Variants in RGS6 observed in about 807,000 individuals in gnomAD.
The protein encoded by RGS6 is regulator of G-protein signaling 6.
RGS6 carries 30 observed loss-of-function variants against 78.5 expected under a neutral mutation model. The ratio of observed to expected loss-of-function variants is 0.38; its 90% CI spans 0.29 to 0.52. The LOEUF (loss-of-function observed/expected upper bound fraction) is 0.52. Ranked by LOEUF, RGS6 falls within the 20% of genes least tolerant of loss-of-function variation. RGS6 has a pLI of 0.85. For missense variants in RGS6, 495 were observed against 609.7 expected, an observed-to-expected ratio of 0.81 and a Z score of 1.98; for synonymous variants, 206 against 206.0, an observed-to-expected ratio of 1.00 and a Z score of 0.00.
intron 11 of RGS6, among the ~76,000 whole-genome samples, chr14:72,477,620 C>G (rs1027023045): frequency 6.6e-6 from 1 of 151,570 alleles, no homozygotes; most frequent in Non-Finnish European, 1.5e-5. Flanking sequence ...TATGATGAAA[C>G]CCCATCTCTA....
At chr14:72,328,154 T>G (rs933589083) in intron 2 of RGS6, among the ~76,000 whole-genome samples, 2 of 152,180 alleles carry the variant, frequency 1.3e-5, no homozygotes, top group Admixed American at 1.3e-4. Flanking sequence ...TTGTTCTATC[T>G]GAACCCTCAA....
intron 2 of RGS6, among the ~76,000 whole-genome samples, chr14:72,091,780 C>G (rs566213752): frequency 6.6e-6 from 1 of 152,278 alleles, no homozygotes; most frequent in East Asian, 1.9e-4. Flanking sequence ...GTACTCACTT[C>G]ATGGGAACCA....
At chr14:72,009,174 G>A (rs2085178662) in intron 2 of RGS6, among the ~76,000 whole-genome samples, 1 of 152,182 alleles carries the variant, frequency 6.6e-6, no homozygotes, top group Admixed American at 6.5e-5. Flanking sequence ...GGGCAACAGA[G>A]CAAGATGCCA....
chr14:72,370,494 G>A (rs1056545661), intron 3 of RGS6, among the ~76,000 whole-genome samples: 1 of 152,194 alleles, frequency 6.6e-6, no homozygotes, highest in African/African-American at 2.4e-5. Context: ...GGGAGATGAG[G>A]AACAAGGAGG....
At chr14:72,233,052 G>A (rs927516827) in intron 2 of RGS6, among the ~76,000 whole-genome samples, 2 of 152,190 alleles carry the variant, frequency 1.3e-5, no homozygotes, top group African/African-American at 4.8e-5. Context: ...AGAAGCTGTA[G>A]CCTGGAATGG....
Position 72,048,359 on chromosome 14 carries a change from C to A in RGS6, c.84+83484C>A, listed in dbSNP as rs187993389. Among the ~76,000 whole-genome samples the A allele has an allele frequency of 3.7e-3, 569 of 152,200 alleles. 13 individuals carry two copies. The highest frequency in any genetic ancestry group is 1.8e-3 in the Non-Finnish European group (119 of 67,992). ...TCCAGGTATCAAAAGTCTTTTAAGT[C>A]TTTTTTCTGCCAAAGGTGAATCTAT... On this transcript the variant is annotated intron_variant, in intron 2 of 17. Transcript: ENST00000553525.
intron 1 of RGS6, among the ~76,000 whole-genome samples, chr14:71,948,418 T>A (rs1362875173): frequency 6.6e-5 from 10 of 152,198 alleles, no homozygotes; most frequent in Non-Finnish European, 1.5e-4. Flanking sequence ...ATGATGTCAT[T>A]TTTTGCATCA....
At chr14:72,431,885 T>C (rs1421267041) in intron 3 of RGS6, among the ~76,000 whole-genome samples, 9 of 152,168 alleles carry the variant, frequency 5.9e-5, no homozygotes, top group Non-Finnish European at 1.2e-4. Context: ...CTTTTTTCCC[T>C]TAAGACTTCC....
intron 2 of RGS6, among the ~76,000 whole-genome samples, chr14:72,204,222 C>A (rs1305416214): frequency 6.6e-6 from 1 of 152,128 alleles, no homozygotes; most frequent in Non-Finnish European, 1.5e-5. Flanking sequence ...TTTTCATCAC[C>A]CCAAACAGAA....
At chr14:72,255,817 T>C (rs956383690) in intron 2 of RGS6, among the ~76,000 whole-genome samples, 2 of 152,224 alleles carry the variant, frequency 1.3e-5, no homozygotes, top group Admixed American at 6.5e-5. Flanking sequence ...TCTTACTAAA[T>C]AGAAGTTTCT....
chr14:72,350,391 G>A (rs142874943), intron 2 of RGS6, among the ~76,000 whole-genome samples: 57 of 152,240 alleles, frequency 3.7e-4, no homozygotes, highest in Middle Eastern at 3.4e-3. Flanking sequence ...TGCAAAGGTT[G>A]GTTAACCTCT....
At chr14:71,893,575 A>G in the RGS6 span, among the ~76,000 whole-genome samples, 1 of 152,204 alleles carries the variant, frequency 6.6e-6, no homozygotes, top group Non-Finnish European at 1.5e-5. Flanking sequence ...ATTATCTGGC[A>G]TGGGCTGAAG....
intron 2 of RGS6, among the ~76,000 whole-genome samples, chr14:72,185,685 C>T (rs564466446): frequency 8.5e-4 from 129 of 152,318 alleles, no homozygotes; most frequent in Non-Finnish European, 1.5e-3. Context: ...TGGCTCATGC[C>T]TGTAATCCCA....
intron 3 of RGS6, among the ~76,000 whole-genome samples, chr14:72,422,151 T>C (rs978329441): frequency 2.6e-5 from 4 of 152,200 alleles, no homozygotes; most frequent in Admixed American, 6.5e-5. Flanking sequence ...TGCACCTCCT[T>C]GCCTTCTGCC....
chr14:72,067,085 A>C (rs1266945434), intron 2 of RGS6, among the ~76,000 whole-genome samples: 2 of 152,146 alleles, frequency 1.3e-5, no homozygotes, highest in African/African-American at 4.8e-5. Context: ...GGTTGGTTCC[A>C]AGTCTTTGCT....
At chr14:72,484,528 G>T (rs908543213) in intron 12 of RGS6, among the ~76,000 whole-genome samples, 8 of 150,120 alleles carry the variant, frequency 5.3e-5, no homozygotes, top group African/African-American at 1.7e-4. Context: ...GTTTTGTGTG[G>T]TTTTTTTTTG....
chr14:72,239,626 G>A (rs1022487213), intron 2 of RGS6, among the ~76,000 whole-genome samples: 3 of 152,128 alleles, frequency 2.0e-5, no homozygotes, highest in African/African-American at 7.2e-5. Flanking sequence ...CTGATAGCAG[G>A]ATCAGGAAGC....
At chr14:72,176,867 C>T (rs1318296899) in intron 2 of RGS6, among the ~76,000 whole-genome samples, 1 of 152,170 alleles carries the variant, frequency 6.6e-6, no homozygotes, top group Non-Finnish European at 1.5e-5. Context: ...TACAGACCAA[C>T]CCACCACCCC....
the RGS6 span, chr14:72,594,566 T>G: frequency 1.3e-5 from 2 of 152,310 alleles, no homozygotes; most frequent in Admixed American, 1.3e-4. Flanking sequence ...ATACTCTGAC[T>G]GTGGGCAGAG....
Sources: gnomAD v4.1 joint callset for allele counts (sites outside exome capture counted in the v4.1 genomes callset) on GRCh38, gnomAD v4.1.1 for gene constraint, MANE v1.5 for transcripts, NCBI Gene and HGNC (gene_info 2026-07-23, HGNC 2026-07-21) for gene names.